SPATA6: variants seen among roughly 807,000 people sequenced by gnomAD.
SPATA6 encodes spermatogenesis-associated protein 6.
Under a neutral mutation model 65.3 loss-of-function variants are expected in SPATA6, and 56 were observed. The ratio of observed to expected loss-of-function variants is 0.86; its 90% CI spans 0.69 to 1.07. The LOEUF (loss-of-function observed/expected upper bound fraction) is 1.07. SPATA6 is among the 50% of genes least tolerant of loss of function. The probability of loss-of-function intolerance (pLI) is 0.00; values close to 1 mark genes in which losing one functional copy is unlikely to be tolerated. For synonymous variants in SPATA6, 199 were observed against 213.2 expected, an observed-to-expected ratio of 0.93 and a Z score of 0.58; for missense variants, 590 against 594.8, an observed-to-expected ratio of 0.99 and a Z score of 0.08.
At chr1:48,342,615 C>CA (rs56979935) in intron 11 of SPATA6, among the ~76,000 whole-genome samples, 4,470 of 69,390 alleles carry the variant, frequency 0.064, 83 homozygotes, top group Middle Eastern at 0.12. Flanking sequence ...GACTCCATCT[C>CA]AAAAAAAAAA....
At chr1:48,411,808 A>T (rs1652261108) in intron 4 of SPATA6, among the ~76,000 whole-genome samples, 1 of 152,146 alleles carries the variant, frequency 6.6e-6, no homozygotes, top group South Asian at 2.1e-4. Context: ...AGTTGGTCCA[A>T]CATTTATATG....
intron 8 of SPATA6, among the ~76,000 whole-genome samples, chr1:48,390,740 T>A (rs1649969854): frequency 6.6e-6 from 1 of 152,196 alleles, no homozygotes; most frequent in Non-Finnish European, 1.5e-5. Flanking sequence ...AAAATTCTAC[T>A]TTCTCACTCA....
intron 3 of SPATA6, among the ~76,000 whole-genome samples, chr1:48,450,340 G>GA (rs35798267): frequency 1.9e-4 from 26 of 138,024 alleles, no homozygotes; most frequent in African/African-American, 3.2e-4. Context: ...GAGAGCCCAA[G>GA]AAAAAAAAAA....
chr1:48,357,936 G>A (rs937598528), intron 10 of SPATA6, among the ~76,000 whole-genome samples: 5 of 152,082 alleles, frequency 3.3e-5, no homozygotes, highest in African/African-American at 1.2e-4. Context: ...AATTGCCATT[G>A]TATTCTTTTA....
intron 1 of SPATA6, among the ~76,000 whole-genome samples, chr1:48,464,915 A>G (rs1028753508): frequency 7.9e-5 from 12 of 152,172 alleles, no homozygotes; most frequent in Admixed American, 7.9e-4. Context: ...AAAATCAATA[A>G]CGCAATAAAT....
chr1:48,363,264 C>A (rs955638945), intron 9 of SPATA6, among the ~76,000 whole-genome samples: 1 of 152,116 alleles, frequency 6.6e-6, no homozygotes, highest in Non-Finnish European at 1.5e-5. Flanking sequence ...GTTTCCATAG[C>A]TCTTGTGAGT....
the SPATA6 span, among the ~76,000 whole-genome samples, chr1:48,290,357 C>G: frequency 1.3e-5 from 2 of 152,286 alleles, no homozygotes; most frequent in African/African-American, 4.8e-5. Context: ...AAGCACTAAA[C>G]ATCGAAAGGA....
chr1:48,437,605 T>A (rs964166588), intron 3 of SPATA6, among the ~76,000 whole-genome samples: 5 of 152,198 alleles, frequency 3.3e-5, no homozygotes, highest in Non-Finnish European at 7.3e-5. Context: ...TCTCCCAGAT[T>A]CTCTGGCCTT....
chr1:48,403,087 G>C (rs1270405854), intron 6 of SPATA6, among the ~76,000 whole-genome samples: 2 of 152,048 alleles, frequency 1.3e-5, no homozygotes, highest in African/African-American at 4.8e-5. Context: ...GATGCAGAAG[G>C]ATTGCTTGAG....
intron 9 of SPATA6, 64 bp downstream of exon 9, chr1:48,385,244 GA>G: frequency 7.2e-7 from 1 of 1,392,052 alleles, no homozygotes; most frequent in Non-Finnish European, 9.8e-7. Context: ...ACATATATAT[GA>G]AATAGACTCA....
At chr1:48,356,561 T>C (rs1261591267) in intron 10 of SPATA6, among the ~76,000 whole-genome samples, 1 of 148,890 alleles carries the variant, frequency 6.7e-6, no homozygotes, top group Non-Finnish European at 1.5e-5. Context: ...TCACCCATGC[T>C]GGAGTGCAAT....
chr1:48,445,754 A>ACAT (rs1655993921), intron 3 of SPATA6, among the ~76,000 whole-genome samples: 1 of 151,890 alleles, frequency 6.6e-6, no homozygotes, highest in South Asian at 2.1e-4. Context: ...ACAGCATACT[A>ACAT]CATCCCCTTT....
At chr1:48,408,496 A>G (rs1413488817) in intron 5 of SPATA6, among the ~76,000 whole-genome samples, 1 of 152,218 alleles carries the variant, frequency 6.6e-6, no homozygotes, top group Non-Finnish European at 1.5e-5. Context: ...TAATCTATCT[A>G]AACTCCTACT....
chr1:48,379,994 A>G (rs950901623), intron 9 of SPATA6, among the ~76,000 whole-genome samples: 4 of 152,264 alleles, frequency 2.6e-5, no homozygotes, highest in African/African-American at 9.6e-5. Flanking sequence ...TAATCATTCC[A>G]CAACATATAC....
intron 9 of SPATA6, among the ~76,000 whole-genome samples, chr1:48,365,591 C>T (rs1292752184): frequency 6.6e-6 from 1 of 151,988 alleles, no homozygotes; most frequent in African/African-American, 2.4e-5. Flanking sequence ...CATGATTTGG[C>T]TGTTTGTCTG....
chr1:48,267,761 T>TTTTG, the SPATA6 span, among the ~76,000 whole-genome samples: 1 of 131,310 alleles, frequency 7.6e-6, no homozygotes, highest in Non-Finnish European at 1.7e-5. Context: ...GGTTTTTTTT[T>TTTTG]TTTTTTTTTT....
chr1:48,454,173 G>A (rs1307375905), intron 1 of SPATA6, among the ~76,000 whole-genome samples: 2 of 151,904 alleles, frequency 1.3e-5, no homozygotes, highest in South Asian at 2.1e-4. Context: ...AGTCTCTCCA[G>A]TACCTACCAT....
chr1:48,432,882 G>A (rs1298978399), intron 3 of SPATA6, among the ~76,000 whole-genome samples: 1 of 152,120 alleles, frequency 6.6e-6, no homozygotes, highest in African/African-American at 2.4e-5. Flanking sequence ...CAACCCAAGT[G>A]TCTATCAACA....
intron 9 of SPATA6, among the ~76,000 whole-genome samples, chr1:48,377,086 CA>C (rs1648007090): frequency 6.6e-6 from 1 of 152,168 alleles, no homozygotes; most frequent in Non-Finnish European, 1.5e-5. Flanking sequence ...ACTACCACCC[CA>C]ATCTAACCTA....
Sources: gnomAD v4.1 joint callset for allele counts (sites outside exome capture counted in the v4.1 genomes callset) on GRCh38, gnomAD v4.1.1 for gene constraint, MANE v1.5 for transcripts, NCBI Gene and HGNC (gene_info 2026-07-23, HGNC 2026-07-21) for gene names.